The following LYSMD4 variants were observed in gnomAD, a reference collection of about 807,000 sequenced individuals.
LYSMD4 encodes the protein LysM domain containing 4, also known as lysM and putative peptidoglycan-binding domain-containing protein 4.
LYSMD4 carries 9 observed loss-of-function variants against 6.1 expected under a neutral mutation model. That is an observed-to-expected ratio of 1.47 (90% CI 0.88 to 2.56). LYSMD4 has a LOEUF of 2.56. Ranked by LOEUF, LYSMD4 falls within the 30% of genes most tolerant of loss-of-function variation. The pLI, the probability that LYSMD4 is intolerant of heterozygous loss-of-function variation, is 0.00. For synonymous variants in LYSMD4, 143 were observed against 148.5 expected (o/e 0.96, Z 0.27); for missense variants, 384 against 373.5 (o/e 1.03, Z -0.23).
upstream of LYSMD4, among the ~76,000 whole-genome samples, chr15:99,721,988 G>A (rs772896576): frequency 6.6e-6 from 1 of 152,116 alleles, no homozygotes; most frequent in African/African-American, 2.4e-5. Flanking sequence ...TAGAATTTGT[G>A]GGGGCACAGT....
exon 1 of LYSMD4, chr15:99,716,851 G>T: frequency 2.8e-6 from 1 of 358,960 alleles, no homozygotes; most frequent in Non-Finnish European, 5.6e-6. Flanking sequence ...TGTTAGAGGG[G>T]GTGGGTATGT....
chr15:99,731,042 A>C, intron 2 of LYSMD4: 1 of 797,722 alleles, frequency 1.3e-6, no homozygotes, highest in South Asian at 1.8e-5. Context: ...TAGGAGAAAG[A>C]GATTTCTTAA....
chr15:99,728,148 GA>G lies in LYSMD4; in HGVS notation c.*974del. ...TGTTATTCTAAGGGCATCACCCAGA[GA>G]AAAAGGACGAAGCGGCCTTCTCACT... On this transcript the variant is annotated 3_prime_UTR_variant, in exon 3 of 3. Transcript: ENST00000684762. 6.6e-6 allele frequency: 1 copy of G among 152,558 alleles called. No individual in the cohort carries two copies. The highest frequency in any genetic ancestry group is 1.5e-5 in the Non-Finnish European group (1 of 68,184). The allele number at this position is 152,558 out of a possible 1,614,324, so 9.5% of individuals were successfully genotyped here.
upstream of LYSMD4, among the ~76,000 whole-genome samples, chr15:99,722,174 T>C (rs2059242415): frequency 6.6e-6 from 1 of 152,204 alleles, no homozygotes; most frequent in Non-Finnish European, 1.5e-5. Context: ...ACCAGATAGA[T>C]TATGAGGTGA....
intron 2 of LYSMD4, chr15:99,731,200 T>C: frequency 1.2e-5 from 19 of 1,612,872 alleles, no homozygotes; most frequent in Non-Finnish European, 1.5e-5. Flanking sequence ...CTCTGAATGC[T>C]GAAAACATAA....
downstream of LYSMD4, among the ~76,000 whole-genome samples, chr15:99,722,605 C>T (rs977536787): frequency 6.6e-6 from 1 of 152,078 alleles, no homozygotes; most frequent in Non-Finnish European, 1.5e-5. Context: ...ACATAAATGA[C>T]GGAATTAGCA....
At chr15:99,730,611 G>A (rs2059382125) in intron 2 of LYSMD4, among the ~76,000 whole-genome samples, 1 of 152,212 alleles carries the variant, frequency 6.6e-6, no homozygotes, top group Non-Finnish European at 1.5e-5. Flanking sequence ...TGCTGTTATT[G>A]TAACTGATTT....
upstream of LYSMD4, among the ~76,000 whole-genome samples, chr15:99,719,833 C>T (rs988043999): frequency 5.3e-5 from 8 of 152,208 alleles, no homozygotes; most frequent in Non-Finnish European, 1.2e-4. Context: ...TGTAGGAGGA[C>T]ATCCTTGCCA....
At chr15:99,726,363 C>G (rs987556107), downstream of LYSMD4, among the ~76,000 whole-genome samples, 1 of 151,886 alleles carries the variant, frequency 6.6e-6, no homozygotes, top group African/African-American at 2.4e-5. Context: ...AGGCTGGTCT[C>G]GAACTCCTAA....
chr15:99,731,037 G>C, intron 2 of LYSMD4: 2 of 774,372 alleles, frequency 2.6e-6, no homozygotes, highest in Non-Finnish European at 4.2e-6. Context: ...ACTTGTAGGA[G>C]AAAGAGATTT....
In LYSMD4 at chr15:99,730,858, T is replaced by G. The variant is rs141308720; in HGVS notation, c.282+860A>C. Among the ~76,000 whole-genome samples the G allele has an allele frequency of 3.2e-3, 482 of 152,342 alleles. 2 individuals are homozygous for G. The highest frequency in any genetic ancestry group is 0.011 in the African/African-American group (457 of 41,572). On this transcript the variant is annotated intron_variant, in intron 2 of 2. Transcript: ENST00000684762. ...AGGCTTCATTTTTCAGCCCATGTTC[T>G]GTAAGCCACACAGTATGCCTGCAGA... is the stretch of plus-strand genomic sequence containing the variant.
chr15:99,731,988 C>G lies in LYSMD4; in HGVS notation c.12G>C (p.Glu4Asp). The G allele has an allele frequency of 6.4e-7, 1 of 1,569,280 alleles. No individual in the cohort carries two copies. Among genetic ancestry groups the G allele is most frequent in the Non-Finnish European group, 8.7e-7 (1 of 1,153,102 alleles). MRH[E>D]ELLTKTFQGP... The stretch of plus-strand genomic sequence containing the variant: ...CTTGGAAGGTCTTGGTTAACAATTC[C>G]TCGTGCCTCATTTTCTTCACTGAAA... Residue 4 changes from glutamate (E) to aspartate (D), a missense_variant, in exon 2 of 3, where the codon GAG (glutamate) becomes GAC (aspartate). Physicochemically the swap from Glu to Asp is conservative, Grantham distance 45. Transcript: ENST00000684762.
At chr15:99,722,591 A>G (rs1033643888), downstream of LYSMD4, among the ~76,000 whole-genome samples, 6 of 152,250 alleles carry the variant, frequency 3.9e-5, no homozygotes, top group Non-Finnish European at 8.8e-5. Flanking sequence ...ATGGACCCAG[A>G]ATGACATAAA....
At chr15:99,724,293 C>T (rs2059260514), downstream of LYSMD4, among the ~76,000 whole-genome samples, 1 of 152,136 alleles carries the variant, frequency 6.6e-6, no homozygotes, top group African/African-American at 2.4e-5. Flanking sequence ...CAGGGTTTGG[C>T]TCCGATGCCC....
chr15:99,722,323 G>C (rs550828496), upstream of LYSMD4, among the ~76,000 whole-genome samples: 9 of 152,212 alleles, frequency 5.9e-5, no homozygotes, highest in East Asian at 1.5e-3. Flanking sequence ...CCGGGAGCAG[G>C]GCCGAATGAG....
chr15:99,726,608 C>A (rs370236496), downstream of LYSMD4, among the ~76,000 whole-genome samples: 1 of 152,142 alleles, frequency 6.6e-6, no homozygotes, highest in Non-Finnish European at 1.5e-5. Context: ...TGGGCAGTGG[C>A]GGTTCTGGGT....
At chr15:99,731,222 C>A (rs202185804) in intron 2 of LYSMD4, 3 of 1,611,462 alleles carry the variant, frequency 1.9e-6, no homozygotes, top group Non-Finnish European at 2.5e-6. Flanking sequence ...TAGAGAAAAA[C>A]AGGGTTATAT....
Position 99,733,339 on chromosome 15 carries a change from C to T in LYSMD4, c.-9+6G>A. On this transcript the variant is annotated splice_donor_region_variant and intron_variant, in intron 1 of 2. Coordinates refer to ENST00000684762, the MANE Select transcript of LYSMD4 (RefSeq NM_001284417.2). ...GACCGCGGCCCCCTCGTCCAGGCCC[C>T]GGTACCTCAGCGCCCAGGCTCCGCC... 1 of 393,360 alleles carries T rather than the reference C, an allele frequency of 2.5e-6. No individual in the cohort carries two copies. The highest frequency in any genetic ancestry group is 4.5e-6 in the Non-Finnish European group (1 of 222,536). 24.4% of individuals were successfully genotyped at this position (393,360 alleles called of 1,614,324 possible). A position where few individuals can be genotyped will look rare whatever the true frequency, so the allele number is the denominator to read the frequency against.
At chr15:99,716,831 C>G (rs771589259) in exon 1 of LYSMD4, 3 of 374,372 alleles carry the variant, frequency 8.0e-6, no homozygotes, top group South Asian at 5.7e-5. Flanking sequence ...ACAGGAAATA[C>G]GCCAAAGCCT....
Sources: gnomAD v4.1 joint callset for allele counts (sites outside exome capture counted in the v4.1 genomes callset) on GRCh38, gnomAD v4.1.1 for gene constraint, MANE v1.5 for transcripts, NCBI Gene and HGNC (gene_info 2026-07-23, HGNC 2026-07-21) for gene names.